ROBO2: variants seen among roughly 807,000 people sequenced by gnomAD.
The protein encoded by ROBO2 is roundabout homolog 2.
Under a neutral mutation model 160.8 loss-of-function variants are expected in ROBO2, and 53 were observed. The observed-to-expected ratio is 0.33, with a 90% CI of 0.26 to 0.41. ROBO2 has a LOEUF of 0.41. ROBO2 is among the 10% of genes least tolerant of loss of function. The pLI is 1.00. For synonymous variants in ROBO2, 664 were observed against 611.7 expected (o/e 1.09, Z -1.26); for missense variants, 1,577 against 1,722.4 (o/e 0.92, Z 1.49).
chr3:76,400,296 A>T (rs2077739095), intron 2 of ROBO2, among the ~76,000 whole-genome samples: 2 of 151,676 alleles, frequency 1.3e-5, no homozygotes, highest in Admixed American at 1.3e-4. Context: ...TGAGATAGTG[A>T]AATTAATATT....
At chr3:76,172,208 T>C (rs868730761) in intron 2 of ROBO2, among the ~76,000 whole-genome samples, 5 of 150,534 alleles carry the variant, frequency 3.3e-5, no homozygotes, top group Admixed American at 2.0e-4. Flanking sequence ...AAACACTGCA[T>C]GTTCTCACTC....
At chr3:76,408,544 C>T (rs575862562) in intron 2 of ROBO2, among the ~76,000 whole-genome samples, 1 of 152,158 alleles carries the variant, frequency 6.6e-6, no homozygotes, top group African/African-American at 2.4e-5. Context: ...TTAAGCAAAT[C>T]TATTCATTTC....
intron 2 of ROBO2, among the ~76,000 whole-genome samples, chr3:76,798,171 G>GAAAGAAAGA (rs1355234093): frequency 1.5e-4 from 10 of 66,210 alleles, no homozygotes; most frequent in Admixed American, 1.6e-4. Context: ...AGAAAGAAAG[G>GAAAGAAAGA]GAGAGAAAGA....
chr3:76,892,021 T>TATCA (rs2074384253), intron 2 of ROBO2, among the ~76,000 whole-genome samples: 4 of 150,528 alleles, frequency 2.7e-5, no homozygotes, highest in African/African-American at 1.0e-4. Context: ...ACCTGGGAGT[T>TATCA]AAACTTCTCG....
chr3:77,598,474 A>T (rs1196998707), intron 19 of ROBO2, among the ~76,000 whole-genome samples: 1 of 144,270 alleles, frequency 6.9e-6, no homozygotes, highest in Non-Finnish European at 1.5e-5. Flanking sequence ...ATATATATTT[A>T]TTTATATAGT....
At chr3:76,166,444 G>A (rs867732565) in intron 2 of ROBO2, among the ~76,000 whole-genome samples, 3 of 151,964 alleles carry the variant, frequency 2.0e-5, no homozygotes, top group Non-Finnish European at 2.9e-5. Flanking sequence ...CCTCATCATC[G>A]TCTAATTTAC....
chr3:77,562,631 C>T lies in ROBO2; in HGVS notation c.1438-20C>T, dbSNP rs920486555. The T allele has an allele frequency of 6.4e-7, 1 of 1,571,064 alleles. No individual in the cohort carries two copies. Among genetic ancestry groups the T allele is most frequent in the East Asian group, 2.2e-5 (1 of 44,552 alleles). On this transcript the variant is annotated intron_variant, in intron 9 of 25. Coordinates refer to ENST00000461745, the Ensembl canonical transcript of ROBO2. The stretch of plus-strand genomic sequence containing the variant: ...AAATTGACTGAAACAATTTAATTCT[C>T]TCCCTTCTGTGCACACTAGATTTCT...
chr3:77,380,472 T>C (rs9814818), intron 2 of ROBO2, among the ~76,000 whole-genome samples: 147,244 of 152,300 alleles, frequency 0.97, 71,201 homozygotes, highest in East Asian at 1. Flanking sequence ...ATTTTTGAAA[T>C]TATGCAAAGA....
chr3:77,061,992 A>G (rs183839205), intron 1 of ROBO2, among the ~76,000 whole-genome samples: 65 of 152,212 alleles, frequency 4.3e-4, no homozygotes, highest in African/African-American at 1.5e-3. Context: ...ACCAGTGAAA[A>G]CATTAGTAGA....
intron 2 of ROBO2, among the ~76,000 whole-genome samples, chr3:76,280,870 T>A (rs1708194457): frequency 6.6e-6 from 1 of 151,954 alleles, no homozygotes; most frequent in African/African-American, 2.4e-5. Flanking sequence ...TTTCCCTGTA[T>A]GAATCTAGTG....
intron 2 of ROBO2, among the ~76,000 whole-genome samples, chr3:77,172,477 A>C (rs1388610700): frequency 6.6e-6 from 1 of 152,188 alleles, no homozygotes; most frequent in Admixed American, 6.5e-5. Flanking sequence ...TATGAAAATC[A>C]TGCATTATTC....
At chr3:76,795,557 G>A (rs778065982) in intron 2 of ROBO2, among the ~76,000 whole-genome samples, 1 of 152,040 alleles carries the variant, frequency 6.6e-6, no homozygotes, top group South Asian at 2.1e-4. Context: ...TTAAAATTAT[G>A]TAATGAGATT....
At chr3:75,960,685 T>C (rs1431890918) in intron 2 of ROBO2, among the ~76,000 whole-genome samples, 1 of 151,782 alleles carries the variant, frequency 6.6e-6, no homozygotes, top group Non-Finnish European at 1.5e-5. Context: ...ACTAAAACAG[T>C]AGGCAAGTAA....
intron 2 of ROBO2, among the ~76,000 whole-genome samples, chr3:77,422,584 A>G (rs554843841): frequency 6.6e-6 from 1 of 152,294 alleles, no homozygotes; most frequent in Admixed American, 6.5e-5. Flanking sequence ...ATTCATTCAA[A>G]TAGAACTGCA....
At chr3:76,598,896 G>A (rs2086911157) in intron 2 of ROBO2, among the ~76,000 whole-genome samples, 1 of 152,050 alleles carries the variant, frequency 6.6e-6, no homozygotes, top group Admixed American at 6.6e-5. Flanking sequence ...CAGCTACTAA[G>A]AAAGTATATA....
At chr3:77,283,619 C>T (rs1304319996) in intron 2 of ROBO2, among the ~76,000 whole-genome samples, 1 of 152,068 alleles carries the variant, frequency 6.6e-6, no homozygotes, top group African/African-American at 2.4e-5. Context: ...GGCTTTTGAA[C>T]ATACCTAACT....
chr3:76,527,955 C>T (rs2082033081), intron 2 of ROBO2, among the ~76,000 whole-genome samples: 1 of 151,892 alleles, frequency 6.6e-6, no homozygotes, highest in Admixed American at 6.6e-5. Context: ...TGGGGAATAC[C>T]CTGTCTAGCC....
intron 2 of ROBO2, among the ~76,000 whole-genome samples, chr3:77,451,527 T>G (rs2081106627): frequency 6.6e-6 from 1 of 152,158 alleles, no homozygotes; most frequent in Admixed American, 6.6e-5. Context: ...TGCATCCCAA[T>G]GCTAGCTAGC....
At chr3:76,512,369 C>A (rs957930870) in intron 2 of ROBO2, among the ~76,000 whole-genome samples, 1 of 150,364 alleles carries the variant, frequency 6.7e-6, no homozygotes, top group Non-Finnish European at 1.5e-5. Context: ...CAAAACACAG[C>A]ATCACACATA....
Sources: allele counts gnomAD v4.1 joint callset (sites outside exome capture counted in the v4.1 genomes callset), GRCh38; gene constraint gnomAD v4.1.1; transcripts MANE v1.5; gene names NCBI Gene and HGNC (gene_info 2026-07-23, HGNC 2026-07-21).